TPCN1: variants seen among roughly 807,000 people sequenced by gnomAD.
TPCN1 encodes two pore channel protein 1.
In TPCN1, 52 loss-of-function variants were observed where a neutral mutation model predicts 108.8. That is an observed-to-expected ratio of 0.48 (90% CI 0.38 to 0.60). The LOEUF (loss-of-function observed/expected upper bound fraction) is 0.60. TPCN1 is among the 20% of genes least tolerant of loss of function. TPCN1 has a pLI of 0.00. For missense variants in TPCN1, 806 were observed against 1,072.8 expected, an observed-to-expected ratio of 0.75 and a Z score of 3.47; for synonymous variants, 446 against 433.7, an observed-to-expected ratio of 1.03 and a Z score of -0.35.
intron 2 of TPCN1, among the ~76,000 whole-genome samples, chr12:113,249,099 C>T (rs1172588007): frequency 6.6e-6 from 1 of 152,140 alleles, no homozygotes; most frequent in African/African-American, 2.4e-5. Context: ...GCAGCTGTTC[C>T]ATTCAGCACC....
chr12:113,287,813 C>T (rs1218705717), intron 19 of TPCN1, among the ~76,000 whole-genome samples: 1 of 152,194 alleles, frequency 6.6e-6, no homozygotes, highest in Non-Finnish European at 1.5e-5. Flanking sequence ...CTCCATTGCC[C>T]CCGCTCCCCG....
intron 19 of TPCN1, chr12:113,287,295 C>T: frequency 6.9e-6 from 4 of 576,640 alleles, no homozygotes; most frequent in South Asian, 6.4e-5. Context: ...CCCCTCACTG[C>T]ACCAGGTGCC....
At position 113,296,148 on chromosome 12, in the gene TPCN1, C is replaced by T. The variant is rs956960515; in HGVS notation, c.*72C>T. The T allele has an allele frequency of 1.8e-5, 29 of 1,570,346 alleles. No individual in the cohort carries two copies. The highest frequency in any genetic ancestry group is 1.5e-4 in the African/African-American group (11 of 74,206). On this transcript the variant is annotated 3_prime_UTR_variant, in exon 28 of 28. Transcript: ENST00000335509. Reference sequence around the variant, plus strand: ...TACTCTACTGCGATGTACGGAACTGCGGTGTGTGTACACATACTCACGTAT... The same window carrying T: ...TACTCTACTGCGATGTACGGAACTGTGGTGTGTGTACACATACTCACGTAT...
intron 2 of TPCN1, among the ~76,000 whole-genome samples, chr12:113,247,401 C>T (rs995589950): frequency 6.6e-6 from 1 of 152,232 alleles, no homozygotes; most frequent in Non-Finnish European, 1.5e-5. Flanking sequence ...CCCTGCCTTC[C>T]CGCTTTCTGG....
At chr12:113,270,086 C>T (rs1252102318) in intron 7 of TPCN1, among the ~76,000 whole-genome samples, 1 of 152,048 alleles carries the variant, frequency 6.6e-6, no homozygotes, top group African/African-American at 2.4e-5. Context: ...ATCCCAGCTG[C>T]TTCGGAGGCT....
At chr12:113,251,795 A>T (rs900028646) in intron 2 of TPCN1, among the ~76,000 whole-genome samples, 1 of 152,200 alleles carries the variant, frequency 6.6e-6, no homozygotes, top group Non-Finnish European at 1.5e-5. Context: ...CAGGCAAGCC[A>T]TGGAAGGATT....
At chr12:113,225,224 T>A (rs1953427063) in intron 1 of TPCN1, 1 of 453,098 alleles carries the variant, frequency 2.2e-6, no homozygotes, top group Non-Finnish European at 4.4e-6. Flanking sequence ...CCAGCTAATT[T>A]AAAATTTTTT....
At position 113,241,294 on chromosome 12, in the gene TPCN1, C is replaced by T. The variant is rs149460721; in HGVS notation, c.112+14330C>T. Among the ~76,000 whole-genome samples, 316 of 152,360 alleles carry T rather than the reference C, an allele frequency of 2.1e-3. 2 individuals carry two copies. Among genetic ancestry groups the T allele is most frequent in the African/African-American group, 7.4e-3 (306 of 41,582 alleles). On this transcript the variant is annotated intron_variant, in intron 2 of 27. Transcript: ENST00000335509. ...CTCCAGCTGTCACTTCCCCAATGTG[C>T]CCATGCTTGCTTCATGGCCGCCTCA...
At chr12:113,287,801 A>G (rs139277914) in intron 19 of TPCN1, among the ~76,000 whole-genome samples, 40 of 152,076 alleles carry the variant, frequency 2.6e-4, no homozygotes, top group African/African-American at 8.9e-4. Context: ...TTCACTGGTG[A>G]GCTCCATTGC....
At position 113,266,434 on chromosome 12, in the gene TPCN1, A is replaced by G; in HGVS notation, c.414+78A>G. On this transcript the variant is annotated intron_variant, in intron 4 of 27. Coordinates refer to ENST00000335509, the MANE Select transcript of TPCN1 (RefSeq NM_017901.6). The surrounding 1 kb of genome is among the most constrained non-coding windows in gnomAD (Gnocchi z 4.2). ...AAGCGATGGAACTCCAAAAAGGAAC[A>G]TTCTGGGAGGGCAAACACTGCAAAC... is the stretch of plus-strand genomic sequence containing the variant. 6.4e-7 allele frequency: 1 copy of G among 1,551,882 alleles called. No individual in the cohort carries two copies. Among genetic ancestry groups the G allele is most frequent in the Non-Finnish European group, 8.7e-7 (1 of 1,146,290 alleles).
chr12:113,248,504 C>A (rs1954491711), intron 2 of TPCN1, among the ~76,000 whole-genome samples: 1 of 152,336 alleles, frequency 6.6e-6, no homozygotes, highest in South Asian at 2.1e-4. Flanking sequence ...GATGTGGTCT[C>A]ACCTTGTAGG....
At chr12:113,239,467 A>G (rs552087998) in intron 2 of TPCN1, among the ~76,000 whole-genome samples, 35 of 152,338 alleles carry the variant, frequency 2.3e-4, no homozygotes, top group African/African-American at 8.2e-4. Flanking sequence ...TTGCAAAGGC[A>G]GGGATCATGT....
Position 113,268,021 on chromosome 12 carries a change from T to A in TPCN1, c.528+65T>A. 8.7e-7 allele frequency: 1 copy of A among 1,148,096 alleles called. No individual in the cohort carries two copies. Among genetic ancestry groups the A allele is most frequent in the Non-Finnish European group, 1.3e-6 (1 of 778,300 alleles). The allele number at this position is 1,148,096 out of a possible 1,614,324, so 71.1% of individuals were successfully genotyped here. A position where few individuals can be genotyped will look rare whatever the true frequency, so the allele number is the denominator to read the frequency against. On this transcript the variant is annotated intron_variant, in intron 5 of 27. Coordinates refer to ENST00000335509, the MANE Select transcript of TPCN1 (RefSeq NM_017901.6). The surrounding 1 kb of genome is among the most constrained non-coding windows in gnomAD (Gnocchi z 7.3). Reference sequence around the variant, plus strand: ...TTCTCCCATGTCACCTTCAAACCTGTCTCTTTGGTACAATTCAGAATCCAC... The same window carrying A: ...TTCTCCCATGTCACCTTCAAACCTGACTCTTTGGTACAATTCAGAATCCAC...
intron 17 of TPCN1, 27 bp from the exon 18 acceptor site, chr12:113,285,862 C>T: frequency 1.2e-6 from 2 of 1,604,174 alleles, no homozygotes; most frequent in Non-Finnish European, 1.7e-6. Flanking sequence ...GGCGGGGCTG[C>T]TGCCGATGGA....
intron 1 of TPCN1, among the ~76,000 whole-genome samples, 155 bp from the exon 2 acceptor site, chr12:113,226,573 G>T (rs1953477621): frequency 6.6e-6 from 1 of 152,078 alleles, no homozygotes. Context: ...GAGCCACCGC[G>T]CCTGGCCCTA....
At chr12:113,279,359 G>GTATATATATATA in intron 14 of TPCN1, among the ~76,000 whole-genome samples, 1 of 41,000 alleles carries the variant, frequency 2.4e-5, no homozygotes, top group Non-Finnish European at 3.8e-5. Flanking sequence ...GTGTGTGTGT[G>GTATATATATATA]TATATATATA....
chr12:113,277,168 G>A, intron 11 of TPCN1, 72 bp from the exon 12 acceptor site: 4 of 1,608,998 alleles, frequency 2.5e-6, no homozygotes, highest in Non-Finnish European at 3.4e-6. Context: ...CAGAGCTGGA[G>A]TGGATCTGGA....
At chr12:113,287,271 C>T (rs890518550) in intron 19 of TPCN1, 177 bp downstream of exon 19, 2 of 601,204 alleles carry the variant, frequency 3.3e-6, no homozygotes, top group Admixed American at 5.7e-5. Flanking sequence ...GGTGTGCAGG[C>T]TGCCTGTGCC....
At position 113,250,692 on chromosome 12, in the gene TPCN1, C is replaced by T. The variant is rs559599605; in HGVS notation, c.113-9676C>T. Among the ~76,000 whole-genome samples, 46 of 152,344 alleles carry T rather than the reference C, an allele frequency of 3.0e-4. No individual in the cohort carries two copies. The South Asian group carries it at 8.5e-3, about 28-fold the overall frequency. ...TTTCCCGGCCAGGCGCAGTGGCTCA[C>T]GCCTGTAATCCCAGCACTTTGGGAG... On this transcript the variant is annotated intron_variant, in intron 2 of 27. Coordinates refer to ENST00000335509, the MANE Select transcript of TPCN1 (RefSeq NM_017901.6).
Sources: gnomAD v4.1 joint callset for allele counts (sites outside exome capture counted in the v4.1 genomes callset) on GRCh38, gnomAD v4.1.1 for gene constraint, Gnocchi (gnomAD v3.1) non-coding constraint, MANE v1.5 for transcripts, NCBI Gene and HGNC (gene_info 2026-07-23, HGNC 2026-07-21) for gene names.